GRM7: variants seen among roughly 807,000 people sequenced by gnomAD.
GRM7 encodes the protein glutamate metabotropic receptor 7, also known as metabotropic glutamate receptor 7.
Under a neutral mutation model 84.5 loss-of-function variants are expected in GRM7, and 35 were observed. The ratio of observed to expected loss-of-function variants is 0.41; its 90% CI spans 0.32 to 0.55. The LOEUF is 0.55. Ranked by LOEUF, GRM7 falls within the 20% of genes least tolerant of loss-of-function variation. GRM7 has a pLI of 0.19. For missense variants in GRM7, 1,003 were observed against 1,194.6 expected (o/e 0.84, Z 2.36); for synonymous variants, 487 against 455.1 (o/e 1.07, Z -0.89).
At chr3:7,172,038 G>T in intron 2 of GRM7, among the ~76,000 whole-genome samples, 1 of 152,314 alleles carries the variant, frequency 6.6e-6, no homozygotes, top group Middle Eastern at 3.4e-3. Context: ...ATGTGGGAAA[G>T]GGACTTCCAT....
chr3:7,558,220 A>G, intron 7 of GRM7, among the ~76,000 whole-genome samples: 1 of 152,062 alleles, frequency 6.6e-6, no homozygotes, highest in South Asian at 2.1e-4. Context: ...TGCTCATTCC[A>G]AGTTCAGGGG....
chr3:7,679,628 A>C (rs1700281727), intron 8 of GRM7, among the ~76,000 whole-genome samples: 1 of 152,240 alleles, frequency 6.6e-6, no homozygotes, highest in African/African-American at 2.4e-5. Flanking sequence ...AAAAGGCCCC[A>C]GAATCTCAAT....
chr3:7,075,496 ATG>A (rs376048569), intron 1 of GRM7, among the ~76,000 whole-genome samples: 5,332 of 138,326 alleles, frequency 0.039, 124 homozygotes, highest in East Asian at 0.059. Context: ...TGCTTCTCAG[ATG>A]TGTGTGTGTG....
At position 7,740,891 on chromosome 3, in the gene GRM7, G is replaced by A. The variant is rs559579553; in HGVS notation, c.*485G>A. 1 of 153,012 alleles carries A rather than the reference G, an allele frequency of 6.5e-6. No individual in the cohort carries two copies. Among genetic ancestry groups the A allele is most frequent in the Admixed American group, 6.5e-5 (1 of 15,282 alleles). The allele number at this position is 153,012 out of a possible 1,614,324, so 9.5% of individuals were successfully genotyped here. A position where few individuals can be genotyped will look rare whatever the true frequency, so the allele number is the denominator to read the frequency against. On this transcript the variant is annotated 3_prime_UTR_variant, in exon 10 of 10. Coordinates refer to ENST00000357716, the MANE Select transcript of GRM7 (RefSeq NM_000844.4). ...TAGAGCCCTATTCTCTCAGACGGTG[G>A]AATATTTGGAAAAATTTTAAAACAA...
rs547987112 is a variant in GRM7, at chr3:7,505,146, A to T, written c.1515+43424A>T. Among the ~76,000 whole-genome samples, 13 of 152,338 alleles carry T rather than the reference A, an allele frequency of 8.5e-5. No individual in the cohort carries two copies. The South Asian group carries it at 1.9e-3, about 22-fold the overall frequency. ...AAAATCTAACAGGAGAAACAATATT[A>T]TTCATTGAAGCTTCAGAATGATTTT... On this transcript the variant is annotated intron_variant, in intron 7 of 9. Transcript: ENST00000357716.
intron 1 of GRM7, among the ~76,000 whole-genome samples, chr3:6,959,577 A>T (rs1028582995): frequency 1.4e-4 from 21 of 152,182 alleles, no homozygotes; most frequent in Non-Finnish European, 2.5e-4. Context: ...CAAGAGTTTA[A>T]TGCTAATACT....
At chr3:7,579,861 C>G (rs1393274053) in intron 8 of GRM7, among the ~76,000 whole-genome samples, 3 of 152,094 alleles carry the variant, frequency 2.0e-5, no homozygotes, top group Non-Finnish European at 4.4e-5. Context: ...TAGAGTTGCC[C>G]AATTGTATAT....
intron 7 of GRM7, among the ~76,000 whole-genome samples, chr3:7,536,753 T>A (rs2125011252): frequency 6.6e-6 from 1 of 152,274 alleles, no homozygotes; most frequent in Admixed American, 6.5e-5. Flanking sequence ...TGGAAGTGGA[T>A]CCTTCAGCCC....
chr3:7,005,448 T>A (rs1237698194), intron 1 of GRM7, among the ~76,000 whole-genome samples: 2 of 152,230 alleles, frequency 1.3e-5, no homozygotes, highest in Non-Finnish European at 2.9e-5. Flanking sequence ...ACCTTTAAAG[T>A]TCTGAAAGCC....
chr3:7,465,833 G>A (rs1698440702), intron 7 of GRM7, among the ~76,000 whole-genome samples: 3 of 152,096 alleles, frequency 2.0e-5, no homozygotes, highest in Admixed American at 1.3e-4. Flanking sequence ...TCCCAGCTCT[G>A]TAGATCAGAC....
intron 1 of GRM7, among the ~76,000 whole-genome samples, chr3:7,065,163 C>A (rs1697608662): frequency 1.3e-5 from 2 of 151,610 alleles, no homozygotes; most frequent in South Asian, 4.1e-4. Flanking sequence ...GCTGACTGTT[C>A]CTTTTGCTGT....
intron 7 of GRM7, among the ~76,000 whole-genome samples, chr3:7,548,450 AT>A (rs1201620178): frequency 6.6e-6 from 1 of 152,262 alleles, no homozygotes; most frequent in Non-Finnish European, 1.5e-5. Flanking sequence ...AAACCTCTTT[AT>A]AAATTTCCCA....
At chr3:6,986,889 G>A (rs1694432412) in intron 1 of GRM7, among the ~76,000 whole-genome samples, 1 of 152,158 alleles carries the variant, frequency 6.6e-6, no homozygotes, top group Non-Finnish European at 1.5e-5. Flanking sequence ...TATACCTTCA[G>A]CTATCAGCAT....
intron 8 of GRM7, among the ~76,000 whole-genome samples, chr3:7,653,179 CCTTTTTTT>C (rs1374356904): frequency 1.9e-5 from 2 of 103,018 alleles, no homozygotes; most frequent in African/African-American, 1.1e-4. Flanking sequence ...CATACTATAT[CCTTTTTTT>C]TTTTTTTTTT....
At chr3:7,522,272 G>A (rs958975444) in intron 7 of GRM7, among the ~76,000 whole-genome samples, 4 of 151,712 alleles carry the variant, frequency 2.6e-5, no homozygotes, top group Non-Finnish European at 4.4e-5. Context: ...AAGTACAAAC[G>A]CAATCAACTC....
At chr3:7,471,673 G>A (rs958168450) in intron 7 of GRM7, among the ~76,000 whole-genome samples, 2 of 152,030 alleles carry the variant, frequency 1.3e-5, no homozygotes, top group Admixed American at 1.3e-4. Context: ...TCTCTACTTT[G>A]AGGTAGGTAA....
intron 1 of GRM7, among the ~76,000 whole-genome samples, chr3:6,981,794 C>A (rs1694216326): frequency 6.6e-6 from 1 of 151,908 alleles, no homozygotes; most frequent in Non-Finnish European, 1.5e-5. Context: ...ATCAAAAAAA[C>A]AACAGATGCT....
At chr3:6,895,336 G>A (rs1211508565) in intron 1 of GRM7, among the ~76,000 whole-genome samples, 1 of 152,146 alleles carries the variant, frequency 6.6e-6, no homozygotes, top group African/African-American at 2.4e-5. Context: ...ATGGAAAGCT[G>A]CCTTAAGATT....
chr3:7,603,657 G>A (rs549807154), intron 8 of GRM7, among the ~76,000 whole-genome samples: 1 of 152,108 alleles, frequency 6.6e-6, no homozygotes, highest in African/African-American at 2.4e-5. Flanking sequence ...CCTAACATCT[G>A]GAGTGTTAGG....
Sources: allele counts gnomAD v4.1 joint callset (sites outside exome capture counted in the v4.1 genomes callset), GRCh38; gene constraint gnomAD v4.1.1; transcripts MANE v1.5; gene names NCBI Gene and HGNC (gene_info 2026-07-23, HGNC 2026-07-21).